The following PTPRE variants were observed in gnomAD, a reference collection of about 807,000 sequenced individuals.
PTPRE encodes receptor-type tyrosine-protein phosphatase epsilon.
PTPRE carries 51 observed loss-of-function variants against 102.0 expected under a neutral mutation model. That is an observed-to-expected ratio of 0.50 (90% confidence interval 0.40 to 0.63). The LOEUF (loss-of-function observed/expected upper bound fraction) is 0.63, where lower values mean the gene tolerates loss of function less well. PTPRE is among the 30% of genes least tolerant of loss of function. The pLI is 0.00. For missense variants in PTPRE, 752 were observed against 915.1 expected (o/e 0.82, Z 2.30); for synonymous variants, 345 against 348.2 (o/e 0.99, Z 0.10).
chr10:127,924,311 C>T (rs1846847935), intron 1 of PTPRE, among the ~76,000 whole-genome samples: 7 of 152,046 alleles, frequency 4.6e-5, no homozygotes, highest in African/African-American at 2.4e-5. Context: ...TTGCAACCTT[C>T]GCCTCCCGGA....
At chr10:127,921,499 T>A (rs1438916797) in intron 1 of PTPRE, among the ~76,000 whole-genome samples, 1 of 152,156 alleles carries the variant, frequency 6.6e-6, no homozygotes, top group Non-Finnish European at 1.5e-5. Flanking sequence ...CACCTGGACC[T>A]GCCTGGGAAG....
chr10:128,040,784 T>C (rs1273357121), intron 2 of PTPRE, 91 bp from the exon 3 acceptor site: 2 of 915,172 alleles, frequency 2.2e-6, no homozygotes, highest in Non-Finnish European at 3.5e-6. Flanking sequence ...TGAAATGAAG[T>C]TGGCTCTTCT....
At chr10:128,009,025 C>T (rs1248269590) in intron 2 of PTPRE, among the ~76,000 whole-genome samples, 1 of 152,200 alleles carries the variant, frequency 6.6e-6, no homozygotes, top group Non-Finnish European at 1.5e-5. Context: ...GAAACTCAGT[C>T]CTGGAGGCCC....
At chr10:127,947,366 A>G (rs574441212) in intron 1 of PTPRE, among the ~76,000 whole-genome samples, 4 of 152,188 alleles carry the variant, frequency 2.6e-5, no homozygotes, top group African/African-American at 7.2e-5. Flanking sequence ...ACCTCCCCTG[A>G]TTGTCTTCTT....
chr10:128,082,621 T>A (rs1315559037), intron 20 of PTPRE, among the ~76,000 whole-genome samples: 1 of 152,200 alleles, frequency 6.6e-6, no homozygotes, highest in Non-Finnish European at 1.5e-5. Flanking sequence ...AGTTGAAATG[T>A]TAATACACTA....
chr10:127,944,532 A>G lies in PTPRE; in HGVS notation c.-31+37223A>G, dbSNP rs71474236. On this transcript the variant is annotated intron_variant, in intron 1 of 20. Coordinates refer to ENST00000254667, the MANE Select transcript of PTPRE (RefSeq NM_006504.6). This position sits in a 1 kb window ranked among gnomAD's most constrained non-coding sequence, Gnocchi z 4.2. ...GATGGATGGGTGGATGGATGGATAA[A>G]TGGATGGATGGATAAGTGGATGGAT... 5.0e-4 allele frequency among the ~76,000 whole-genome samples: 16 copies of G among 32,262 alleles called. No individual in the cohort carries two copies. The highest frequency in any genetic ancestry group is 9.1e-4 in the South Asian group (1 of 1,104). The allele number at this position is 32,262 out of a possible 152,430, so 21.2% of individuals were successfully genotyped here. A position where few individuals can be genotyped will look rare whatever the true frequency, so the allele number is the denominator to read the frequency against.
chr10:128,079,702 A>C lies in PTPRE; in HGVS notation c.2028+7A>C. Reference sequence around the variant, plus strand: ...ACATATGGTGCAAACCCTGGTAAGAATCTGAATAAGGATGTTACCAGAAGA... The same window carrying C: ...ACATATGGTGCAAACCCTGGTAAGACTCTGAATAAGGATGTTACCAGAAGA... On this transcript the variant is annotated splice_region_variant and intron_variant, in intron 20 of 20. Coordinates refer to ENST00000254667, the MANE Select transcript of PTPRE (RefSeq NM_006504.6). 1 of 1,609,766 alleles carries C rather than the reference A, an allele frequency of 6.2e-7. No homozygotes were observed. Among genetic ancestry groups the C allele is most frequent in the Non-Finnish European group, 8.5e-7 (1 of 1,176,394 alleles).
chr10:128,067,231 TGCACACAC>T lies in PTPRE; in HGVS notation c.844-883_844-876del, dbSNP rs1425030935. Among the ~76,000 whole-genome samples the T allele has an allele frequency of 7.4e-3, 688 of 93,230 alleles. 7 individuals carry two copies. The highest frequency in any genetic ancestry group is 0.051 in the Middle Eastern group (9 of 178). The allele number at this position is 93,230 out of a possible 152,430, so 61.2% of individuals were successfully genotyped here. A position where few individuals can be genotyped will look rare whatever the true frequency, so the allele number is the denominator to read the frequency against. On this transcript the variant is annotated intron_variant, in intron 11 of 20. Transcript: ENST00000254667. ...CCACACACATTCACATGCACACACA[TGCACACAC>T]GCACACACATTCATGCACATGCATA... is the stretch of plus-strand genomic sequence containing the variant.
intron 3 of PTPRE, among the ~76,000 whole-genome samples, 190 bp downstream of exon 3, chr10:128,041,180 C>T (rs533100305): frequency 6.6e-6 from 1 of 152,244 alleles, no homozygotes; most frequent in Non-Finnish European, 1.5e-5. Flanking sequence ...GGTTGTTCAG[C>T]AAAGCTTAGT....
intron 1 of PTPRE, among the ~76,000 whole-genome samples, chr10:127,930,985 G>A (rs946639697): frequency 1.1e-4 from 17 of 151,976 alleles, no homozygotes; most frequent in Non-Finnish European, 1.2e-4. Flanking sequence ...TAGGGACGGG[G>A]TTTCGCCATG....
intron 1 of PTPRE, among the ~76,000 whole-genome samples, chr10:127,926,403 A>G (rs1332841956): frequency 6.6e-6 from 1 of 152,270 alleles, no homozygotes; most frequent in Non-Finnish European, 1.5e-5. Flanking sequence ...TGAGCAAAGA[A>G]GCAGGCGCTG....
At chr10:127,977,396 A>G (rs1477696751) in intron 1 of PTPRE, among the ~76,000 whole-genome samples, 3 of 152,238 alleles carry the variant, frequency 2.0e-5, no homozygotes, top group African/African-American at 7.2e-5. Context: ...TTAAAATAAA[A>G]TGTAAATGCA....
Position 128,083,022 on chromosome 10 carries a change from G to T in PTPRE, c.*116G>T. 8.9e-7 allele frequency: 1 copy of T among 1,119,036 alleles called. No individual in the cohort carries two copies. 69.3% of individuals were successfully genotyped at this position (1,119,036 alleles called of 1,614,324 possible). ...TCCCTAATTTCTTTGTATATATTTT[G>T]TTATGCCTTAAAGGCCACCTGCTAT... On this transcript the variant is annotated 3_prime_UTR_variant, in exon 21 of 21. Transcript: ENST00000254667.
At chr10:127,999,889 A>C (rs2135548712) in intron 2 of PTPRE, 1 of 985,444 alleles carries the variant, frequency 1.0e-6, no homozygotes, top group Admixed American at 6.1e-5. Flanking sequence ...TTATCAGCCC[A>C]GGAGACTCCA....
intron 1 of PTPRE, among the ~76,000 whole-genome samples, chr10:127,980,255 T>C (rs1307691753): frequency 6.6e-6 from 1 of 152,210 alleles, no homozygotes; most frequent in Non-Finnish European, 1.5e-5. Flanking sequence ...GGTTGTTTTA[T>C]ATAGCTGCCC....
intron 2 of PTPRE, among the ~76,000 whole-genome samples, chr10:127,984,146 A>G (rs538914843): frequency 2.9e-3 from 404 of 139,542 alleles, no homozygotes; most frequent in Middle Eastern, 0.014. Flanking sequence ...TGATGGCGTG[A>G]TCTCGGCTCA....
intron 2 of PTPRE, among the ~76,000 whole-genome samples, chr10:128,006,712 G>A (rs1284875293): frequency 6.6e-6 from 1 of 152,118 alleles, no homozygotes; most frequent in Non-Finnish European, 1.5e-5. Context: ...CATTTGGGGG[G>A]ATAAAAGAAT....
chr10:128,069,895 G>T, intron 13 of PTPRE, 68 bp downstream of exon 13: 2 of 1,610,162 alleles, frequency 1.2e-6, no homozygotes, highest in Middle Eastern at 1.7e-4. Context: ...CGCCACACAG[G>T]TGTGCAGGGC....
chr10:128,081,873 T>C (rs1263562335), intron 20 of PTPRE, among the ~76,000 whole-genome samples: 1 of 152,250 alleles, frequency 6.6e-6, no homozygotes, highest in African/African-American at 2.4e-5. Flanking sequence ...CTAAGCTAGC[T>C]GTTTGGCATC....
Sources: allele counts gnomAD v4.1 joint callset (sites outside exome capture counted in the v4.1 genomes callset), GRCh38; gene constraint gnomAD v4.1.1; non-coding constraint Gnocchi (gnomAD v3.1); transcripts MANE v1.5; gene names NCBI Gene and HGNC (gene_info 2026-07-23, HGNC 2026-07-21).